Variants in ST3GAL1 observed in about 807,000 individuals in gnomAD.
ST3GAL1 encodes CMP-N-acetylneuraminate-beta-galactosamide-alpha-2,3-sialyltransferase 1.
Under a neutral mutation model 34.1 loss-of-function variants are expected in ST3GAL1, and 16 were observed. The observed-to-expected ratio is 0.47, with a 90% CI of 0.32 to 0.71. The LOEUF is 0.71. ST3GAL1 is among the 30% of genes least tolerant of loss of function. The pLI, the probability that ST3GAL1 is intolerant of heterozygous loss-of-function variation, is 0.04. For missense variants in ST3GAL1, 353 were observed against 447.4 expected (o/e 0.79, Z 1.90); for synonymous variants, 191 against 184.7 (o/e 1.03, Z -0.28).
intron 1 of ST3GAL1, among the ~76,000 whole-genome samples, chr8:133,562,072 C>G (rs1819240885): frequency 6.6e-6 from 1 of 151,866 alleles, no homozygotes. Flanking sequence ...AGAGCAAGAC[C>G]CTGTCTCCAA....
Position 133,556,928 on chromosome 8 carries a change from G to A in ST3GAL1, c.-581-11002C>T, listed in dbSNP as rs1819050003. 6.6e-6 allele frequency among the ~76,000 whole-genome samples: 1 copy of A among 152,150 alleles called. No homozygotes were observed. The highest frequency in any genetic ancestry group is 2.4e-5 in the African/African-American group (1 of 41,426). On this transcript the variant is annotated intron_variant, in intron 1 of 9. Transcript: ENST00000522652. The surrounding 1 kb of genome is among the most constrained non-coding windows in gnomAD (Gnocchi z 8.9). ...TGCAGGCAGGGAGACCAGATATACT[G>A]GGTCTCGAGCCTTTTATGATGTGCA... is the stretch of plus-strand genomic sequence containing the variant.
rs1465429102 is a variant in ST3GAL1, at chr8:133,459,532, G to A, written c.*232C>T. ...CCCAGCTCTAGGGCAGCAGTGGGGG[G>A]ACGTTGTCCCCACTCAAGACAGGTT... is the stretch of plus-strand genomic sequence containing the variant. On this transcript the variant is annotated 3_prime_UTR_variant, in exon 10 of 10. Transcript: ENST00000522652. This position sits in a 1 kb window ranked among gnomAD's most constrained non-coding sequence, Gnocchi z 4.7. The A allele has an allele frequency of 4.7e-6, 2 of 424,274 alleles. No homozygotes were observed. Among genetic ancestry groups the A allele is most frequent in the South Asian group, 5.8e-5 (1 of 17,338 alleles). 26.3% of individuals were successfully genotyped at this position (424,274 alleles called of 1,614,324 possible).
intron 1 of ST3GAL1, among the ~76,000 whole-genome samples, chr8:133,564,970 A>G (rs963568565): frequency 2.0e-5 from 3 of 152,202 alleles, no homozygotes. Context: ...GGATCTTCTT[A>G]CTTTACTAGG....
At chr8:133,527,417 A>C (rs1481861330) in intron 2 of ST3GAL1, among the ~76,000 whole-genome samples, 1 of 152,178 alleles carries the variant, frequency 6.6e-6, no homozygotes, top group Non-Finnish European at 1.5e-5. Context: ...TGGTCCCTGC[A>C]AGTCTGAATC....
chr8:133,473,764 G>A (rs946032854), intron 5 of ST3GAL1, among the ~76,000 whole-genome samples: 1 of 152,194 alleles, frequency 6.6e-6, no homozygotes, highest in African/African-American at 2.4e-5. Flanking sequence ...TGGGGATGGG[G>A]CACTCCTAGC....
At chr8:133,475,025 A>G (rs556838734) in intron 5 of ST3GAL1, among the ~76,000 whole-genome samples, 1 of 152,222 alleles carries the variant, frequency 6.6e-6, no homozygotes, top group Non-Finnish European at 1.5e-5. Context: ...GGAATCTGTG[A>G]GCATGACATT....
rs778339084 is a variant in ST3GAL1 at position 133,459,854 on chromosome 8, G to A, written c.933C>T (p.Arg311=). ...AGTCTGCATCGTGCACCCCCGTCTT[G>A]CGAAAAGCCCCCGCGGATGGGTTGT... ...WENNPSAGAF[R]KTGVHDADFE... The change falls in exon 10 of 10, where the codon CGC becomes CGT. Residue 311 remains arginine, a synonymous_variant. Transcript: ENST00000522652. The surrounding 1 kb of genome is among the most constrained non-coding windows in gnomAD (Gnocchi z 4.7). The A allele has an allele frequency of 6.2e-7, 1 of 1,614,164 alleles. No homozygotes were observed. Among genetic ancestry groups the A allele is most frequent in the South Asian group, 1.1e-5 (1 of 91,082 alleles).
At chr8:133,493,848 G>GC (rs574590156) in intron 3 of ST3GAL1, among the ~76,000 whole-genome samples, 1 of 132,290 alleles carries the variant, frequency 7.6e-6, no homozygotes, top group Non-Finnish European at 1.6e-5. Flanking sequence ...TCTGTATCAG[G>GC]AAAAAAAAAA....
At chr8:133,492,933 C>T (rs1713464892) in intron 3 of ST3GAL1, among the ~76,000 whole-genome samples, 2 of 152,178 alleles carry the variant, frequency 1.3e-5, no homozygotes, top group South Asian at 2.1e-4. Context: ...CCTCACCCTC[C>T]GTCCAATAAG....
Position 133,457,450 on chromosome 8 carries a change from G to A in ST3GAL1, c.*2314C>T, listed in dbSNP as rs1815341384. 6.6e-6 allele frequency: 1 copy of A among 152,142 alleles called. No homozygotes were observed. Among genetic ancestry groups the A allele is most frequent in the South Asian group, 2.1e-4 (1 of 4,826 alleles). The allele number at this position is 152,142 out of a possible 1,614,324, so 9.4% of individuals were successfully genotyped here. A position where few individuals can be genotyped will look rare whatever the true frequency, so the allele number is the denominator to read the frequency against. ...GTCTGATGATCTGGAGTCTGCCCCT[G>A]GGGTCACTCAGTCACTCAACAAACA... On this transcript the variant is annotated 3_prime_UTR_variant, in exon 10 of 10. Coordinates refer to ENST00000522652, the MANE Select transcript of ST3GAL1 (RefSeq NM_173344.3).
At chr8:133,464,535 G>A (rs974156407) in intron 7 of ST3GAL1, among the ~76,000 whole-genome samples, 9 of 152,242 alleles carry the variant, frequency 5.9e-5, no homozygotes, top group Admixed American at 1.3e-4. Flanking sequence ...TCCAGGGCGC[G>A]TGGAGGTCCC....
chr8:133,477,020 T>C (rs1816206098), intron 3 of ST3GAL1, among the ~76,000 whole-genome samples: 1 of 152,182 alleles, frequency 6.6e-6, no homozygotes, highest in South Asian at 2.1e-4. Flanking sequence ...GCTTAGAGAG[T>C]GGCCCAGGGT....
intron 5 of ST3GAL1, among the ~76,000 whole-genome samples, chr8:133,471,795 G>A (rs547138802): frequency 2.0e-5 from 3 of 152,090 alleles, no homozygotes; most frequent in South Asian, 2.1e-4. Context: ...GGTGCTAGGC[G>A]CCGGGTGGAC....
At chr8:133,503,167 C>T (rs932824184) in intron 2 of ST3GAL1, among the ~76,000 whole-genome samples, 11 of 152,340 alleles carry the variant, frequency 7.2e-5, no homozygotes, top group African/African-American at 2.2e-4. Context: ...TGTTGCAAGT[C>T]ACTGAGCTTG....
At chr8:133,489,799 C>T (rs1010585906) in intron 3 of ST3GAL1, 1 of 152,242 alleles carries the variant, frequency 6.6e-6, no homozygotes, top group African/African-American at 2.4e-5. Flanking sequence ...GTGGCTTGAC[C>T]ACCGCCCACT....
chr8:133,464,994 C>A, intron 6 of ST3GAL1, 37 bp from the exon 7 acceptor site: 1 of 1,582,438 alleles, frequency 6.3e-7, no homozygotes, highest in Non-Finnish European at 8.6e-7. Flanking sequence ...TCTTGTAGCA[C>A]GGGCACCCGT....
chr8:133,541,120 T>TATATATATATATAGAG lies in ST3GAL1; in HGVS notation c.-429+4653_-429+4654insCTCTATATATATATAT, dbSNP rs71299078. Among the ~76,000 whole-genome samples, 14 of 48,628 alleles carry TATATATATATATAGAG rather than the reference T, an allele frequency of 2.9e-4. 3 individuals carry two copies. Among genetic ancestry groups the TATATATATATATAGAG allele is most frequent in the African/African-American group, 1.4e-3 (14 of 10,124 alleles). The allele number at this position is 48,628 out of a possible 152,430, so 31.9% of individuals were successfully genotyped here. On this transcript the variant is annotated intron_variant, in intron 2 of 9. Coordinates refer to ENST00000522652, the MANE Select transcript of ST3GAL1 (RefSeq NM_173344.3). Reference sequence around the variant, plus strand: ...ACATATATATATATATATATATATATAGAGAGAGAGAGAGAGAGAGAGAGA... The same window carrying TATATATATATATAGAG: ...ACATATATATATATATATATATATATATATATATATATAGAGAGAGAGAGAGAGAGAGAGAGAGAGA...
In ST3GAL1 at chr8:133,501,443, T is replaced by C. The variant is rs149088150; in HGVS notation, c.-428-2254A>G. Among the ~76,000 whole-genome samples, 323 of 152,128 alleles carry C rather than the reference T, an allele frequency of 2.1e-3. 4 individuals are homozygous for C. The highest frequency in any genetic ancestry group is 7.6e-3 in the African/African-American group (317 of 41,488). ...TGTCAATTTGGAATCTATAAGAACATTTATGTAAAAGAACAATCTCTCTGG... is the reference window on the plus strand; with the variant it reads ...TGTCAATTTGGAATCTATAAGAACACTTATGTAAAAGAACAATCTCTCTGG... On this transcript the variant is annotated intron_variant, in intron 2 of 9. Coordinates refer to ENST00000522652, the MANE Select transcript of ST3GAL1 (RefSeq NM_173344.3).
chr8:133,514,220 TG>T (rs35219077), intron 2 of ST3GAL1, among the ~76,000 whole-genome samples: 1 of 152,220 alleles, frequency 6.6e-6, no homozygotes, highest in Non-Finnish European at 1.5e-5. Context: ...TTCTTACTCA[TG>T]GGGATCTAAG....
Sources: allele counts gnomAD v4.1 joint callset (sites outside exome capture counted in the v4.1 genomes callset), GRCh38; gene constraint gnomAD v4.1.1; non-coding constraint Gnocchi (gnomAD v3.1); transcripts MANE v1.5; gene names NCBI Gene and HGNC (gene_info 2026-07-23, HGNC 2026-07-21).